The following MAGI1 variants were observed in gnomAD, a reference collection of about 807,000 sequenced individuals.
MAGI1 encodes the protein membrane-associated guanylate kinase, WW and PDZ domain-containing protein 1.
In MAGI1, 58 loss-of-function variants were observed where a neutral mutation model predicts 139.9. The ratio of observed to expected loss-of-function variants is 0.41; its 90% CI spans 0.34 to 0.52. The LOEUF (loss-of-function observed/expected upper bound fraction) is 0.52, where lower values mean the gene tolerates loss of function less well. MAGI1 is among the 20% of genes least tolerant of loss of function. The pLI, the probability that MAGI1 is intolerant of heterozygous loss-of-function variation, is 0.12. For missense variants in MAGI1, 1,874 were observed against 1,901.6 expected, an observed-to-expected ratio of 0.99 and a Z score of 0.27; for synonymous variants, 812 against 737.9, an observed-to-expected ratio of 1.10 and a Z score of -1.63.
At chr3:66,019,126 TC>T (rs1403193916) in intron 1 of MAGI1, among the ~76,000 whole-genome samples, 1 of 152,144 alleles carries the variant, frequency 6.6e-6, no homozygotes, top group East Asian at 1.9e-4. Context: ...GTGATTACAC[TC>T]CAGTGGAACA....
At chr3:65,826,002 T>A (rs918601310) in intron 1 of MAGI1, among the ~76,000 whole-genome samples, 1 of 151,964 alleles carries the variant, frequency 6.6e-6, no homozygotes, top group African/African-American at 2.4e-5. Context: ...ATAATAATAA[T>A]AAAATTTTTG....
At chr3:65,802,348 G>T (rs1223014057) in intron 1 of MAGI1, among the ~76,000 whole-genome samples, 2 of 152,156 alleles carry the variant, frequency 1.3e-5, no homozygotes, top group Non-Finnish European at 2.9e-5. Context: ...TGGGAGGGAT[G>T]GGGGAGACAA....
At chr3:65,713,494 A>G (rs2031784881) in intron 1 of MAGI1, among the ~76,000 whole-genome samples, 1 of 152,204 alleles carries the variant, frequency 6.6e-6, no homozygotes, top group African/African-American at 2.4e-5. Context: ...TTCCAATATA[A>G]TACTGGCTGT....
At chr3:65,425,135 A>AAAAAAAAAAAAAAAAAC (rs1559543283) in intron 12 of MAGI1, among the ~76,000 whole-genome samples, 2 of 87,736 alleles carry the variant, frequency 2.3e-5, no homozygotes, top group Non-Finnish European at 4.5e-5. Context: ...AAAAAAAACA[A>AAAAAAAAAAAAAAAAAC]AAAAAAACAC....
intron 1 of MAGI1, among the ~76,000 whole-genome samples, chr3:65,734,807 T>C (rs2107751033): frequency 6.8e-6 from 1 of 146,554 alleles, no homozygotes; most frequent in East Asian, 2.0e-4. Context: ...AAATCCAGTG[T>C]CACATCTAGA....
chr3:65,447,345 C>G (rs1403044459), intron 7 of MAGI1, among the ~76,000 whole-genome samples: 1 of 152,186 alleles, frequency 6.6e-6, no homozygotes, highest in Non-Finnish European at 1.5e-5. Context: ...TTGGCATCAT[C>G]TGCTAGTATA....
chr3:65,521,515 A>G (rs1038740272), intron 2 of MAGI1, among the ~76,000 whole-genome samples: 2 of 152,232 alleles, frequency 1.3e-5, no homozygotes, highest in African/African-American at 4.8e-5. Context: ...TATGAAATAT[A>G]GATTTCAGGG....
chr3:65,717,339 G>C (rs941328385), intron 1 of MAGI1: 1 of 152,174 alleles, frequency 6.6e-6, no homozygotes, highest in African/African-American at 2.4e-5. Context: ...AGGGTTGGGG[G>C]AATGTGTTAC....
intron 22 of MAGI1, chr3:65,359,500 A>G: frequency 1.9e-6 from 2 of 1,046,832 alleles, no homozygotes; most frequent in Non-Finnish European, 2.3e-6. Flanking sequence ...AAACAACAAA[A>G]GAACAAAATC....
At chr3:66,030,205 C>A (rs978814515) in intron 1 of MAGI1, among the ~76,000 whole-genome samples, 2 of 152,182 alleles carry the variant, frequency 1.3e-5, no homozygotes, top group African/African-American at 4.8e-5. Context: ...ATCGGCTAAG[C>A]TCTATTTTAG....
chr3:65,463,765 T>C (rs780667642), intron 5 of MAGI1, among the ~76,000 whole-genome samples: 1 of 152,156 alleles, frequency 6.6e-6, no homozygotes, highest in African/African-American at 2.4e-5. Context: ...CTGGGCTTTT[T>C]TTGGTTGGTA....
chr3:65,720,720 T>C (rs574872019), intron 1 of MAGI1, among the ~76,000 whole-genome samples: 2 of 152,176 alleles, frequency 1.3e-5, no homozygotes, highest in South Asian at 4.1e-4. Context: ...CTGAGCCTGA[T>C]ATGCTCTTAT....
chr3:65,604,006 G>A (rs2082611958), intron 2 of MAGI1, among the ~76,000 whole-genome samples: 1 of 152,132 alleles, frequency 6.6e-6, no homozygotes, highest in African/African-American at 2.4e-5. Flanking sequence ...TGGCCATTAT[G>A]TTTCAACACG....
At chr3:65,684,696 A>G (rs2087869973) in intron 1 of MAGI1, among the ~76,000 whole-genome samples, 1 of 151,796 alleles carries the variant, frequency 6.6e-6, no homozygotes, top group South Asian at 2.1e-4. Context: ...TACACTTGGT[A>G]GGATTTTTTT....
intron 2 of MAGI1, among the ~76,000 whole-genome samples, chr3:65,576,976 C>T (rs958300685): frequency 6.6e-6 from 1 of 152,212 alleles, no homozygotes; most frequent in African/African-American, 2.4e-5. Context: ...GTGCCAGACA[C>T]AGAGTAAGTG....
At chr3:65,657,346 G>A (rs1201236666) in intron 1 of MAGI1, among the ~76,000 whole-genome samples, 6 of 151,434 alleles carry the variant, frequency 4.0e-5, no homozygotes, top group Admixed American at 1.3e-4. Flanking sequence ...TGTAGTCCAA[G>A]CACATTGGGA....
chr3:65,386,871 G>A (rs939707425), intron 14 of MAGI1, among the ~76,000 whole-genome samples: 1 of 152,082 alleles, frequency 6.6e-6, no homozygotes, highest in African/African-American at 2.4e-5. Flanking sequence ...TAGAAAGAAT[G>A]GACCCACCAG....
intron 1 of MAGI1, among the ~76,000 whole-genome samples, chr3:65,973,636 C>A (rs969842798): frequency 4.6e-5 from 7 of 152,338 alleles, no homozygotes; most frequent in African/African-American, 1.7e-4. Flanking sequence ...ACCTTCAATT[C>A]TTACTGATTT....
chr3:65,437,133 A>G (rs1947913050), intron 10 of MAGI1, 22 bp downstream of exon 10: 2 of 1,527,192 alleles, frequency 1.3e-6, no homozygotes, highest in African/African-American at 1.4e-5. Flanking sequence ...CCATGACACA[A>G]TTAGAAAGAC....
Sources: gnomAD v4.1 joint callset for allele counts (sites outside exome capture counted in the v4.1 genomes callset) on GRCh38, gnomAD v4.1.1 for gene constraint, MANE v1.5 for transcripts, NCBI Gene and HGNC (gene_info 2026-07-23, HGNC 2026-07-21) for gene names.